Variants in GARIN2 observed in about 807,000 individuals in gnomAD.
GARIN2 encodes the protein golgi associated RAB2 interactor family member 2, also known as Golgi-associated RAB2 interactor protein 2.
the GARIN2 span, chr14:67,198,299 G>T: frequency 6.2e-7 from 1 of 1,613,542 alleles, no homozygotes; most frequent in Non-Finnish European, 8.5e-7. Flanking sequence ...CTCCTCCCAT[G>T]TTAGAGAGCA....
the GARIN2 span, chr14:67,225,270 C>T: frequency 6.7e-7 from 1 of 1,490,034 alleles, no homozygotes; most frequent in Non-Finnish European, 8.9e-7. Flanking sequence ...CTAAAGGTAA[C>T]TTTTTAATTA....
At chr14:67,189,945 A>T in the GARIN2 span, among the ~76,000 whole-genome samples, 1 of 144,504 alleles carries the variant, frequency 6.9e-6, no homozygotes, top group African/African-American at 2.6e-5. Context: ...GGTTCAAGTG[A>T]TTCTCCTGCC....
the GARIN2 span, chr14:67,205,200 C>G: frequency 9.1e-7 from 1 of 1,104,670 alleles, no homozygotes; most frequent in East Asian, 2.6e-5. Context: ...TGGAACCTAC[C>G]TACTCCGAGA....
chr14:67,203,375 A>G, the GARIN2 span: 1 of 1,177,852 alleles, frequency 8.5e-7, no homozygotes, highest in Non-Finnish European at 1.2e-6. Context: ...AACACTGATG[A>G]CAATTGCGCC....
At chr14:67,199,751 G>T in the GARIN2 span, 1 of 1,554,212 alleles carries the variant, frequency 6.4e-7, no homozygotes, top group Admixed American at 1.8e-5. Context: ...ATTGGGGTCT[G>T]GGCTTCCTCC....
the GARIN2 span, chr14:67,203,207 T>A: frequency 1.9e-6 from 3 of 1,613,926 alleles, 1 homozygote; most frequent in South Asian, 3.3e-5. Context: ...TACTGGCCCA[T>A]CTGACACCTG....
the GARIN2 span, among the ~76,000 whole-genome samples, chr14:67,221,059 T>C: frequency 6.6e-6 from 1 of 152,246 alleles, no homozygotes; most frequent in Non-Finnish European, 1.5e-5. Context: ...CTTAAGTTTA[T>C]GTTTTAGTAT....
At chr14:67,193,544 T>G in the GARIN2 span, among the ~76,000 whole-genome samples, 1 of 141,894 alleles carries the variant, frequency 7.0e-6, no homozygotes, top group Non-Finnish European at 1.5e-5. Flanking sequence ...TAGAAATATA[T>G]ATCTATATAT....
chr14:67,205,122 A>G, the GARIN2 span: 1 of 1,521,712 alleles, frequency 6.6e-7, no homozygotes, highest in Non-Finnish European at 8.8e-7. Flanking sequence ...ATGCTTTAAT[A>G]ATCGAGAACT....
the GARIN2 span, among the ~76,000 whole-genome samples, chr14:67,205,563 A>G: frequency 6.6e-6 from 1 of 152,244 alleles, no homozygotes; most frequent in Admixed American, 6.5e-5. Context: ...GAAATAGGAT[A>G]ATAAAAAACA....
At chr14:67,211,918 G>A in the GARIN2 span, among the ~76,000 whole-genome samples, 10 of 152,140 alleles carry the variant, frequency 6.6e-5, no homozygotes, top group African/African-American at 2.4e-4. Context: ...TCTGTACATT[G>A]TGAAGTCTGT....
At chr14:67,197,506 C>T in the GARIN2 span, 1 of 152,108 alleles carries the variant, frequency 6.6e-6, no homozygotes, top group Non-Finnish European at 1.5e-5. Context: ...CTCCTGGAGA[C>T]TTAATATACT....
chr14:67,202,404 C>T, the GARIN2 span, among the ~76,000 whole-genome samples: 1 of 152,118 alleles, frequency 6.6e-6, no homozygotes, highest in Non-Finnish European at 1.5e-5. Flanking sequence ...TCACCCATGG[C>T]ACTCCAGCCT....
At chr14:67,202,585 A>C in the GARIN2 span, among the ~76,000 whole-genome samples, 1 of 152,252 alleles carries the variant, frequency 6.6e-6, no homozygotes, top group South Asian at 2.1e-4. Context: ...ATATAAGAAG[A>C]GTTTGGCAAG....
chr14:67,221,710 T>C, the GARIN2 span: 4 of 1,586,728 alleles, frequency 2.5e-6, no homozygotes, highest in Non-Finnish European at 3.4e-6. Context: ...ATTTTATATC[T>C]AGTAGATCTT....
chr14:67,209,547 T>G, the GARIN2 span, among the ~76,000 whole-genome samples: 1 of 151,894 alleles, frequency 6.6e-6, no homozygotes, highest in African/African-American at 2.4e-5. Flanking sequence ...AGGCCGGGTG[T>G]GGTGGCTCAT....
chr14:67,210,721 T>C, the GARIN2 span, among the ~76,000 whole-genome samples: 1 of 151,734 alleles, frequency 6.6e-6, no homozygotes, highest in Non-Finnish European at 1.5e-5. Context: ...CAATAGAGAA[T>C]GAACTTTGCC....
chr14:67,213,377 A>G, the GARIN2 span, among the ~76,000 whole-genome samples: 1 of 125,398 alleles, frequency 8.0e-6, no homozygotes, highest in African/African-American at 3.1e-5. Flanking sequence ...ATGTGTTCTC[A>G]TTGTTCAATT....
At chr14:67,204,758 C>G in the GARIN2 span, 1 of 1,613,566 alleles carries the variant, frequency 6.2e-7, no homozygotes, top group Non-Finnish European at 8.5e-7. Flanking sequence ...TCAGGAATTA[C>G]GAATAGCACA....
Sources: gnomAD v4.1 joint callset for allele counts (sites outside exome capture counted in the v4.1 genomes callset) on GRCh38, gnomAD v4.1.1 for gene constraint, MANE v1.5 for transcripts, NCBI Gene and HGNC (gene_info 2026-07-23, HGNC 2026-07-21) for gene names.